The following ADAMTS2 variants were observed in gnomAD, a reference collection of about 807,000 sequenced individuals.
ADAMTS2 encodes A disintegrin and metalloproteinase with thrombospondin motifs 2.
A neutral mutation model predicts 123.0 loss-of-function variants in ADAMTS2; 50 were observed. That is an observed-to-expected ratio of 0.41 (90% CI 0.32 to 0.51). The LOEUF is 0.51. ADAMTS2 is among the 20% of genes least tolerant of loss of function. The pLI, the probability that ADAMTS2 is intolerant of heterozygous loss-of-function variation, is 0.35. For synonymous variants in ADAMTS2, 678 were observed against 695.4 expected, an observed-to-expected ratio of 0.98 and a Z score of 0.39; for missense variants, 1,494 against 1,705.2, an observed-to-expected ratio of 0.88 and a Z score of 2.18.
At chr5:179,183,026 G>A (rs74485932) in intron 4 of ADAMTS2, among the ~76,000 whole-genome samples, 2,071 of 152,286 alleles carry the variant, frequency 0.014, 40 homozygotes, top group African/African-American at 0.047. Context: ...GGATGAAACC[G>A]TCATGCAGGT....
chr5:179,318,168 C>T (rs73808256), intron 2 of ADAMTS2, among the ~76,000 whole-genome samples: 2,537 of 152,358 alleles, frequency 0.017, 59 homozygotes, highest in African/African-American at 0.058. Context: ...CTCATGGAGA[C>T]TCTGAGCTGA....
chr5:179,328,325 C>A (rs954313092), intron 2 of ADAMTS2, among the ~76,000 whole-genome samples: 4 of 152,270 alleles, frequency 2.6e-5, no homozygotes, highest in Non-Finnish European at 5.9e-5. Flanking sequence ...AGCCACCGCA[C>A]CCGGCAAGAG....
At chr5:179,116,019 G>A (rs1014284174) in intron 21 of ADAMTS2, among the ~76,000 whole-genome samples, 6 of 151,848 alleles carry the variant, frequency 4.0e-5, no homozygotes, top group African/African-American at 1.5e-4. Flanking sequence ...TGAGCTTAGG[G>A]CCTCTGCTGC....
intron 4 of ADAMTS2, among the ~76,000 whole-genome samples, chr5:179,187,224 G>A (rs894181869): frequency 3.3e-5 from 5 of 152,184 alleles, no homozygotes; most frequent in Non-Finnish European, 7.3e-5. Context: ...AAGGAAAGAG[G>A]CAGTGACCTC....
intron 10 of ADAMTS2, among the ~76,000 whole-genome samples, chr5:179,142,735 C>A (rs1292722682): frequency 6.6e-6 from 1 of 152,166 alleles, no homozygotes; most frequent in African/African-American, 2.4e-5. Flanking sequence ...AGGCTGTGAC[C>A]TCTGGGGAGC....
intron 3 of ADAMTS2, among the ~76,000 whole-genome samples, chr5:179,223,283 T>TAC (rs138886185): frequency 9.5e-5 from 11 of 116,400 alleles, no homozygotes; most frequent in East Asian, 8.6e-4. Flanking sequence ...AATGCACTCA[T>TAC]ACACACACAC....
At chr5:179,143,287 A>C (rs993559554) in intron 10 of ADAMTS2, among the ~76,000 whole-genome samples, 1 of 152,186 alleles carries the variant, frequency 6.6e-6, no homozygotes, top group Non-Finnish European at 1.5e-5. Flanking sequence ...TACAAAAATT[A>C]GCCAGGCATG....
chr5:179,324,856 G>A (rs1360768347), intron 2 of ADAMTS2, among the ~76,000 whole-genome samples: 6 of 152,214 alleles, frequency 3.9e-5, no homozygotes, highest in Non-Finnish European at 8.8e-5. Flanking sequence ...TTTGCTGGAA[G>A]AGGGGTGATG....
Position 179,189,936 on chromosome 5 carries a change from C to G in ADAMTS2, c.892-8781G>C, listed in dbSNP as rs1374274568. ...TGGCAATATCACAAAGTACATTACC[C>G]CAAGGGCGGAGAGGGTGTATTGTTC... On this transcript the variant is annotated intron_variant, in intron 4 of 21. Transcript: ENST00000251582. This position sits in a 1 kb window ranked among gnomAD's most constrained non-coding sequence, Gnocchi z 4.2. Among the ~76,000 whole-genome samples, 1 of 152,076 alleles carries G rather than the reference C, an allele frequency of 6.6e-6. No homozygotes were observed. The highest frequency in any genetic ancestry group is 1.9e-4 in the East Asian group (1 of 5,168).
At chr5:179,336,403 A>G (rs1757614259) in intron 2 of ADAMTS2, among the ~76,000 whole-genome samples, 1 of 152,220 alleles carries the variant, frequency 6.6e-6, no homozygotes, top group African/African-American at 2.4e-5. Context: ...GACGAAGCCA[A>G]CCGAACTCAG....
At chr5:179,274,557 C>T (rs1227829874) in intron 2 of ADAMTS2, among the ~76,000 whole-genome samples, 1 of 152,226 alleles carries the variant, frequency 6.6e-6, no homozygotes, top group Non-Finnish European at 1.5e-5. Flanking sequence ...AAAGTAACCT[C>T]ATGATGGCCT....
In ADAMTS2 at chr5:179,273,052, G is replaced by A. The variant is rs372225444; in HGVS notation, c.547C>T (p.Arg183Trp). Residue 183 changes from arginine (R) to tryptophan (W), a missense_variant, in exon 3 of 22, where the codon CGG becomes TGG. By Grantham distance (101) the Arg-to-Trp change is moderately radical (BLOSUM62 -3). Coordinates refer to ENST00000251582, the MANE Select transcript of ADAMTS2 (RefSeq NM_014244.5). ...ATGAAGAACTCCTCCTCCTCCATCC[G>A]GATCAGACCAGCCTGCGGGACAAAG... ...SNCDGLAGLI[R>W]MEEEEFFIEP... is the part of the protein sequence containing the mutation. The A allele has an allele frequency of 4.3e-5, 70 of 1,613,422 alleles. No individual in the cohort carries two copies. The highest frequency in any genetic ancestry group is 5.5e-5 in the Non-Finnish European group (65 of 1,180,038).
At chr5:179,309,498 T>C (rs1001151736) in intron 2 of ADAMTS2, among the ~76,000 whole-genome samples, 14 of 152,180 alleles carry the variant, frequency 9.2e-5, no homozygotes, top group African/African-American at 3.4e-4. Flanking sequence ...TGGGGCTGAC[T>C]GTAATCCCAG....
At chr5:179,139,725 G>A (rs1000011783) in intron 11 of ADAMTS2, among the ~76,000 whole-genome samples, 165 bp downstream of exon 11, 2 of 152,108 alleles carry the variant, frequency 1.3e-5, no homozygotes, top group Non-Finnish European at 2.9e-5. Flanking sequence ...CCCCTGAGCC[G>A]TCACCCCCTC....
chr5:179,273,195 T>C (rs1766594913), intron 2 of ADAMTS2, 131 bp from the exon 3 acceptor site: 10 of 1,410,360 alleles, frequency 7.1e-6, no homozygotes, highest in Non-Finnish European at 9.9e-6. Flanking sequence ...GGTGCTCAGC[T>C]TGAACCCTGG....
chr5:179,258,663 C>G (rs1766132677), intron 3 of ADAMTS2, among the ~76,000 whole-genome samples: 1 of 152,146 alleles, frequency 6.6e-6, no homozygotes, highest in South Asian at 2.1e-4. Context: ...TGGGAAAGGT[C>G]CTTGAGAAAA....
In ADAMTS2 at chr5:179,181,715, T is replaced by C. The variant is rs763651265; in HGVS notation, c.892-560A>G. Among the ~76,000 whole-genome samples, 12 of 152,224 alleles carry C rather than the reference T, an allele frequency of 7.9e-5. No individual in the cohort carries two copies. Among genetic ancestry groups the C allele is most frequent in the Non-Finnish European group, 1.8e-4 (12 of 68,028 alleles). ...CCAATGTGCTCTCCCTGTTCTGTTT[T>C]GATGGCTGGAGCTCCTGCAGTCGCC... On this transcript the variant is annotated intron_variant, in intron 4 of 21. Transcript: ENST00000251582. This position sits in a 1 kb window ranked among gnomAD's most constrained non-coding sequence, Gnocchi z 4.1.
chr5:179,124,157 TC>T, intron 19 of ADAMTS2, among the ~76,000 whole-genome samples: 1 of 152,248 alleles, frequency 6.6e-6, no homozygotes, highest in Admixed American at 6.5e-5. Flanking sequence ...CAACTGCAAG[TC>T]CCGCTTCTGA....
intron 10 of ADAMTS2, among the ~76,000 whole-genome samples, chr5:179,143,730 A>C (rs1763210423): frequency 6.8e-6 from 1 of 146,378 alleles, no homozygotes; most frequent in Non-Finnish European, 1.5e-5. Flanking sequence ...CACGAAAAGC[A>C]ACGGAATAGA....
Sources: allele counts gnomAD v4.1 joint callset (sites outside exome capture counted in the v4.1 genomes callset), GRCh38; gene constraint gnomAD v4.1.1; non-coding constraint Gnocchi (gnomAD v3.1); transcripts MANE v1.5; gene names NCBI Gene and HGNC (gene_info 2026-07-23, HGNC 2026-07-21).